The following PCDHB4 variants were observed in gnomAD, a reference collection of about 807,000 sequenced individuals.
PCDHB4 encodes protocadherin beta 4, also known as protocadherin beta-4.
For missense variants in PCDHB4, 1,063 were observed against 1,007.0 expected (o/e 1.06, Z -0.75); for synonymous variants, 482 against 447.3 (o/e 1.08, Z -0.98).
Position 141,123,448 on chromosome 5 carries a change from C to T in PCDHB4, c.1450C>T (p.Gln484Ter), listed in dbSNP as rs1305919295. 1.2e-6 allele frequency: 2 copies of T among 1,613,156 alleles called. No individual in the cohort carries two copies. The change falls in exon 1 of 1, where the codon CAG (glutamine) becomes TAG (stop). Residue 484 changes from glutamine to a stop codon, truncating the protein, a stop_gained. Transcript: ENST00000194152. LOFTEE classifies it low-confidence loss of function (END_TRUNC). Reference protein sequence around the residue: ...ATDRDSGTNAQVTYSLLPPQD... With the variant: ...ATDRDSGTNA ...AGACAGAGACTCGGGCACCAACGCC[C>T]AGGTCACCTACTCGCTGCTGCCGCC...
rs1554274383 is a variant in PCDHB4, at chr5:141,122,695, G to C, written c.697G>C (p.Asp233His). 1.9e-6 allele frequency: 3 copies of C among 1,614,188 alleles called. No homozygotes were observed. The Admixed American group carries it at 5.0e-5, about 27-fold the overall frequency. The change falls in exon 1 of 1, where the codon GAC becomes CAC. Residue 233 changes from aspartate (D) to histidine (H), a missense_variant. Coordinates refer to ENST00000194152, the MANE Select transcript of PCDHB4 (RefSeq NM_018938.4). ...GGTCATGGTTCGAATCCTGATCATG[G>C]ACATCAATGACAATGCTCCTGAGTT... ...GTVMVRILIMDINDNAPEFVH... is the reference protein window; with the variant it reads ...GTVMVRILIMHINDNAPEFVH...
Position 141,123,179 on chromosome 5 carries a change from C to T in PCDHB4, c.1181C>T (p.Pro394Leu). 6.2e-7 allele frequency: 1 copy of T among 1,614,078 alleles called. No homozygotes were observed. Among genetic ancestry groups the T allele is most frequent in the African/African-American group, 1.3e-5 (1 of 75,020 alleles). ...IPDNLPFILK[P>L]TLKNFYTLVT... is the part of the protein sequence containing the mutation. ...GATAATCTACCGTTTATTCTAAAAC[C>T]AACTTTGAAGAATTTTTACACCCTG... Residue 394 changes from proline to leucine, a missense_variant, in exon 1 of 1, where the codon CCA becomes CTA. By Grantham distance (98) the Pro-to-Leu change is moderately conservative (BLOSUM62 -3). Coordinates refer to ENST00000194152, the MANE Select transcript of PCDHB4 (RefSeq NM_018938.4).
rs1554274753 is a variant in PCDHB4, at chr5:141,124,219, A to C, written c.2221A>C (p.Thr741Pro). ...AGGGCATCTGGTGGACGTAAGCGGC[A>C]CCGGGACCCTGTCCCAGAGCTACCA... ...FPGHLVDVSG[T>P]GTLSQSYQYE... Residue 741 changes from threonine to proline, a missense_variant, in exon 1 of 1, where the codon ACC (threonine) becomes CCC (proline). Coordinates refer to ENST00000194152, the MANE Select transcript of PCDHB4 (RefSeq NM_018938.4). The C allele has an allele frequency of 1.2e-6, 2 of 1,613,744 alleles. No homozygotes were observed. The highest frequency in any genetic ancestry group is 1.7e-6 in the Non-Finnish European group (2 of 1,179,976).
In PCDHB4 at chr5:141,124,981, C is replaced by T. The variant is rs1207498200; in HGVS notation, c.*595C>T. ...ATTGTGGTCCTTTTCCTCTTGTGAC[C>T]ACCACATGTCTAGTGATTATTTTGT... On this transcript the variant is annotated 3_prime_UTR_variant, in exon 1 of 1. Coordinates refer to ENST00000194152, the MANE Select transcript of PCDHB4 (RefSeq NM_018938.4). 2 of 152,066 alleles carry T rather than the reference C, an allele frequency of 1.3e-5. No individual in the cohort carries two copies. Among genetic ancestry groups the T allele is most frequent in the African/African-American group, 4.8e-5 (2 of 41,418 alleles). The allele number at this position is 152,066 out of a possible 1,614,324, so 9.4% of individuals were successfully genotyped here.
rs1752312422 is a variant in PCDHB4, at chr5:141,122,691, C to A, written c.693C>A (p.Ile231=). The change falls in exon 1 of 1, where the codon ATC becomes ATA. Residue 231 remains isoleucine (I), a synonymous_variant. Coordinates refer to ENST00000194152, the MANE Select transcript of PCDHB4 (RefSeq NM_018938.4). ...RSGTVMVRIL[I]MDINDNAPEF... The stretch of plus-strand genomic sequence containing the variant: ...GCACGGTCATGGTTCGAATCCTGAT[C>A]ATGGACATCAATGACAATGCTCCTG... The A allele has an allele frequency of 5.6e-6, 9 of 1,614,160 alleles. No homozygotes were observed. Among genetic ancestry groups the A allele is most frequent in the Non-Finnish European group, 5.9e-6 (7 of 1,180,028 alleles).
rs782693987 is a variant in PCDHB4 at position 141,122,129 on chromosome 5, T to C, written c.131T>C (p.Val44Ala). 4 of 1,614,086 alleles carry C rather than the reference T, an allele frequency of 2.5e-6. No individual in the cohort carries two copies. In the South Asian group the frequency reaches 4.4e-5, roughly 18 times the overall value. The change falls in exon 1 of 1, where the codon GTA (valine) becomes GCA (alanine). Residue 44 changes from valine (V) to alanine (A), a missense_variant. Physicochemically the swap from Val to Ala is moderately conservative, Grantham distance 64 (BLOSUM62 0). Coordinates refer to ENST00000194152, the MANE Select transcript of PCDHB4 (RefSeq NM_018938.4). ...VLEETESGSF[V>A]AHLAKDLGLG... ...GAGGAAACAGAGAGCGGCTCCTTTG[T>C]AGCCCATCTGGCCAAGGATCTGGGC...
In PCDHB4 at chr5:141,122,082, G is replaced by C. The variant is rs1295868963; in HGVS notation, c.84G>C (p.Glu28Asp). The C allele has an allele frequency of 6.2e-7, 1 of 1,614,152 alleles. No homozygotes were observed. Among genetic ancestry groups the C allele is most frequent in the Non-Finnish European group, 8.5e-7 (1 of 1,180,014 alleles). The change falls in exon 1 of 1, where the codon GAG becomes GAC. Residue 28 changes from glutamate to aspartate, a missense_variant. By Grantham distance (45) the Glu-to-Asp change is conservative. Transcript: ENST00000194152. The stretch of plus-strand genomic sequence containing the variant: ...TGTTCTTGTCTCAGGTTCGCCTCGA[G>C]CCTATTCGTTATTCTGTGTTGGAGG... ...LMVFLSQVRL[E>D]PIRYSVLEET...
chr5:141,122,801 T>C lies in PCDHB4; in HGVS notation c.803T>C (p.Ile268Thr), dbSNP rs781909180. Residue 268 changes from isoleucine (I) to threonine (T), a missense_variant, in exon 1 of 1, where the codon ATA (isoleucine) becomes ACA (threonine). Transcript: ENST00000194152. ...SPIVRVLARD[I>T]DAGNFGSVSY... ...ATTGTTAGGGTCTTAGCTAGAGATATAGATGCTGGAAACTTCGGGAGTGTT... is the reference window on the plus strand; with the variant it reads ...ATTGTTAGGGTCTTAGCTAGAGATACAGATGCTGGAAACTTCGGGAGTGTT... The C allele has an allele frequency of 2.7e-5, 43 of 1,614,148 alleles. No individual in the cohort carries two copies. In the South Asian group the frequency reaches 3.6e-4, roughly 14 times the overall value.
Position 141,123,376 on chromosome 5 carries a change from C to G in PCDHB4, c.1378C>G (p.Arg460Gly). The change falls in exon 1 of 1, where the codon CGC becomes GGC. Residue 460 changes from arginine to glycine, a missense_variant. Physicochemically the swap from Arg to Gly is moderately radical, Grantham distance 125. Coordinates refer to ENST00000194152, the MANE Select transcript of PCDHB4 (RefSeq NM_018938.4). ...FTQTSYTLFV[R>G]ENNSPALHIG... ...CCAAACCTCCTACACCCTGTTCGTC[C>G]GCGAGAACAACAGCCCCGCCCTGCA... The G allele has an allele frequency of 6.2e-7, 1 of 1,613,864 alleles. No individual in the cohort carries two copies. The highest frequency in any genetic ancestry group is 8.5e-7 in the Non-Finnish European group (1 of 1,180,026).
In PCDHB4 at chr5:141,122,390, T is replaced by C. The variant is rs1752303395; in HGVS notation, c.392T>C (p.Ile131Thr). 3 of 1,614,172 alleles carry C rather than the reference T, an allele frequency of 1.9e-6. No individual in the cohort carries two copies. In the East Asian group the frequency reaches 6.7e-5, roughly 36 times the overall value. The change falls in exon 1 of 1, where the codon ATA (isoleucine) becomes ACA (threonine). Residue 131 changes from isoleucine to threonine, a missense_variant. Coordinates refer to ENST00000194152, the MANE Select transcript of PCDHB4 (RefSeq NM_018938.4). ...CAGGACATAAATGATCACTCTCCAA[T>C]ATTCCCTGAAAGGGAAGTGCTCTTG... ...LIQDINDHSP[I>T]FPEREVLLKI...
rs782183136 is a variant in PCDHB4 at position 141,124,172 on chromosome 5, C to T, written c.2174C>T (p.Ser725Leu). The T allele has an allele frequency of 3.1e-6, 5 of 1,613,368 alleles. No homozygotes were observed. The highest frequency in any genetic ancestry group is 2.5e-6 in the Non-Finnish European group (3 of 1,180,006). Reference protein sequence around the residue: ...RSRAASVGRCSVPEGPFPGHL... With the variant: ...RSRAASVGRCLVPEGPFPGHL... ...AGGGCGGCCTCGGTGGGTCGCTGCT[C>T]GGTGCCCGAGGGCCCCTTTCCAGGG... The change falls in exon 1 of 1, where the codon TCG becomes TTG. Residue 725 changes from serine to leucine, a missense_variant. Physicochemically the swap from Ser to Leu is moderately radical, Grantham distance 145 (BLOSUM62 -2). Transcript: ENST00000194152.
rs1471390437 is a variant in PCDHB4, at chr5:141,124,520, G to A, written c.*134G>A. On this transcript the variant is annotated 3_prime_UTR_variant, in exon 1 of 1. Transcript: ENST00000194152. ...CAAACCTACTCATGTCCCTGATAAA[G>A]CTAAATTTGTCCCTTTTTTATTGTT... 10 of 754,508 alleles carry A rather than the reference G, an allele frequency of 1.3e-5. No individual in the cohort carries two copies. The highest frequency in any genetic ancestry group is 2.1e-5 in the Non-Finnish European group (10 of 486,616). 46.7% of individuals were successfully genotyped at this position (754,508 alleles called of 1,614,324 possible). A position where few individuals can be genotyped will look rare whatever the true frequency, so the allele number is the denominator to read the frequency against.
In PCDHB4 at chr5:141,121,956, T is replaced by A. The variant is rs1554274249; in HGVS notation, c.-43T>A. 7.4e-7 allele frequency: 1 copy of A among 1,357,226 alleles called. No homozygotes were observed. Among genetic ancestry groups the A allele is most frequent in the Admixed American group, 2.3e-5 (1 of 43,812 alleles). 84.1% of individuals were successfully genotyped at this position (1,357,226 alleles called of 1,614,324 possible). Reference sequence around the variant, plus strand: ...TGGAATTGAATGTCTCAAGTCTCGTTGCGGTTGCTGAGGGGATTGGATATA... The same window carrying A: ...TGGAATTGAATGTCTCAAGTCTCGTAGCGGTTGCTGAGGGGATTGGATATA... On this transcript the variant is annotated 5_prime_UTR_variant, in exon 1 of 1. It introduces an in-frame stop codon into an upstream open reading frame of the 5' UTR. Coordinates refer to ENST00000194152, the MANE Select transcript of PCDHB4 (RefSeq NM_018938.4).
rs1554274477 is a variant in PCDHB4, at chr5:141,123,091, T to C, written c.1093T>C (p.Ser365Pro). The C allele has an allele frequency of 6.2e-7, 1 of 1,613,894 alleles. No homozygotes were observed. Among genetic ancestry groups the C allele is most frequent in the South Asian group, 1.1e-5 (1 of 91,030 alleles). ...IPENAPETVV[S>P]IFRIRDRDSG... ...AGAAAATGCTCCTGAGACGGTAGTC[T>C]CTATCTTCCGAATTCGAGATAGAGA... is the stretch of plus-strand genomic sequence containing the variant. The change falls in exon 1 of 1, where the codon TCT becomes CCT. Residue 365 changes from serine to proline, a missense_variant. Coordinates refer to ENST00000194152, the MANE Select transcript of PCDHB4 (RefSeq NM_018938.4).
In PCDHB4 at chr5:141,121,977, A is replaced by G. The variant is rs782110720; in HGVS notation, c.-22A>G. The G allele has an allele frequency of 6.6e-7, 1 of 1,523,842 alleles. No homozygotes were observed. Among genetic ancestry groups the G allele is most frequent in the Admixed American group, 2.0e-5 (1 of 49,708 alleles). The allele number at this position is 1,523,842 out of a possible 1,614,324, so 94.4% of individuals were successfully genotyped here. Reference sequence around the variant, plus strand: ...TCGTTGCGGTTGCTGAGGGGATTGGATATAGGGACCTGGACTCCAACATGA... The same window carrying G: ...TCGTTGCGGTTGCTGAGGGGATTGGGTATAGGGACCTGGACTCCAACATGA... On this transcript the variant is annotated 5_prime_UTR_variant, in exon 1 of 1. Transcript: ENST00000194152.
rs1554274403 is a variant in PCDHB4 at position 141,122,776 on chromosome 5, A to G, written c.778A>G (p.Ile260Val). The change falls in exon 1 of 1, where the codon ATT becomes GTT. Residue 260 changes from isoleucine (I) to valine (V), a missense_variant. Ile to Val is a conservative substitution (Grantham distance 29, BLOSUM62 3). Coordinates refer to ENST00000194152, the MANE Select transcript of PCDHB4 (RefSeq NM_018938.4). ...GGAAAACAGCCCCCTAGACTCTCCA[A>G]TTGTTAGGGTCTTAGCTAGAGATAT... ...VLENSPLDSP[I>V]VRVLARDIDA... is the part of the protein sequence containing the mutation. The G allele has an allele frequency of 1.2e-6, 2 of 1,614,006 alleles. No homozygotes were observed. The highest frequency in any genetic ancestry group is 2.2e-5 in the East Asian group (1 of 44,878).
At position 141,122,854 on chromosome 5, in the gene PCDHB4, G is replaced by A. The variant is rs782310082; in HGVS notation, c.856G>A (p.Glu286Lys). ...VSYGLFQASDEIKQTFSINEV... is the reference protein window; with the variant it reads ...VSYGLFQASDKIKQTFSINEV... ...TTATGGCTTATTCCAAGCATCAGAT[G>A]AAATTAAACAAACTTTCTCAATAAA... The change falls in exon 1 of 1, where the codon GAA (glutamate) becomes AAA (lysine). Residue 286 changes from glutamate to lysine, a missense_variant. Transcript: ENST00000194152. 1 of 1,613,830 alleles carries A rather than the reference G, an allele frequency of 6.2e-7. No individual in the cohort carries two copies. The highest frequency in any genetic ancestry group is 1.3e-5 in the African/African-American group (1 of 74,882).
rs1752351725 is a variant in PCDHB4, at chr5:141,123,720, G to A, written c.1722G>A (p.Leu574=). The A allele has an allele frequency of 2.5e-6, 4 of 1,610,428 alleles. No individual in the cohort carries two copies. The highest frequency in any genetic ancestry group is 3.3e-5 in the Admixed American group (2 of 59,968). Residue 574 remains leucine, a synonymous_variant, in exon 1 of 1, where the codon CTG becomes CTA. Coordinates refer to ENST00000194152, the MANE Select transcript of PCDHB4 (RefSeq NM_018938.4). Reference sequence around the variant, plus strand: ...ATGGCTCCGCGCCCTGCACCGAGCTGGTGCCCCGGGCGGCCGAGCCGGGCT... The same window carrying A: ...ATGGCTCCGCGCCCTGCACCGAGCTAGTGCCCCGGGCGGCCGAGCCGGGCT... ...LQNGSAPCTE[L]VPRAAEPGYL...
chr5:141,124,233 C>T lies in PCDHB4; in HGVS notation c.2235C>T (p.Ser745=), dbSNP rs1183465527. The change falls in exon 1 of 1, where the codon TCC becomes TCT. Residue 745 remains serine, a synonymous_variant. Transcript: ENST00000194152. ...LVDVSGTGTL[S]QSYQYEVCLT... is the part of the protein sequence containing the mutation. ...ACGTAAGCGGCACCGGGACCCTGTC[C>T]CAGAGCTACCAGTACGAGGTGTGTC... 1 of 1,614,178 alleles carries T rather than the reference C, an allele frequency of 6.2e-7. No individual in the cohort carries two copies. Among genetic ancestry groups the T allele is most frequent in the Non-Finnish European group, 8.5e-7 (1 of 1,180,036 alleles).
Sources: allele counts gnomAD v4.1 joint callset, GRCh38; gene constraint gnomAD v4.1.1; transcripts MANE v1.5; gene names NCBI Gene and HGNC (gene_info 2026-07-23, HGNC 2026-07-21).